Variants in KATNAL1 observed in about 807,000 individuals in gnomAD.
The protein encoded by KATNAL1 is katanin p60 ATPase-containing subunit A-like 1.
In KATNAL1, 32 loss-of-function variants were observed where a neutral mutation model predicts 55.2. That is an observed-to-expected ratio of 0.58 (90% CI 0.44 to 0.78). The LOEUF (loss-of-function observed/expected upper bound fraction) is 0.78. Among genes scored for constraint, KATNAL1 ranks in the 30% least tolerant of loss-of-function variants. The pLI is 0.00. For synonymous variants in KATNAL1, 193 were observed against 193.6 expected (o/e 1.00, Z 0.02); for missense variants, 466 against 600.9 (o/e 0.78, Z 2.35).
intron 2 of KATNAL1, 139 bp downstream of exon 2, chr13:30,283,477 A>G: frequency 3.2e-6 from 2 of 621,772 alleles, no homozygotes; most frequent in Non-Finnish European, 5.2e-6. Flanking sequence ...TCAAGAGTAT[A>G]TTTTAAATGT....
intron 1 of KATNAL1, among the ~76,000 whole-genome samples, chr13:30,295,542 T>C (rs1882425175): frequency 6.6e-6 from 1 of 151,886 alleles, no homozygotes; most frequent in African/African-American, 2.4e-5. Context: ...GGCAAAAGGA[T>C]CACTTAAGAC....
chr13:30,280,102 T>C lies in KATNAL1; in HGVS notation c.284A>G (p.Asp95Gly), dbSNP rs1373790689. The change falls in exon 3 of 11, where the codon GAT becomes GGT. Residue 95 changes from aspartate to glycine, a missense_variant. This residue lies in a region of KATNAL1 where 248 missense variants were observed against 275.5 expected (regional missense o/e 0.90). Transcript: ENST00000380615. ...PVSCQDEPFR[D>G]PAVWPPPVPA... ...AACAGGGGGTGGCCAAACAGCAGGATCTCTAAATGGTTCATCTTGACAGGA... is the reference window on the plus strand; with the variant it reads ...AACAGGGGGTGGCCAAACAGCAGGACCTCTAAATGGTTCATCTTGACAGGA... 6.2e-7 allele frequency: 1 copy of C among 1,612,796 alleles called. No homozygotes were observed. The highest frequency in any genetic ancestry group is 1.1e-5 in the South Asian group (1 of 90,888).
intron 3 of KATNAL1, among the ~76,000 whole-genome samples, chr13:30,268,880 TAC>T (rs1879989217): frequency 6.6e-6 from 1 of 152,158 alleles, no homozygotes; most frequent in Non-Finnish European, 1.5e-5. Context: ...ACTGAATACT[TAC>T]ACTGTGGCAG....
chr13:30,217,952 G>A (rs1002220980), intron 9 of KATNAL1, among the ~76,000 whole-genome samples: 3 of 152,190 alleles, frequency 2.0e-5, no homozygotes, highest in East Asian at 1.9e-4. Flanking sequence ...CTGGGGACAC[G>A]AGACAGGCCA....
chr13:30,264,484 A>T (rs1406819391), intron 3 of KATNAL1, among the ~76,000 whole-genome samples: 1 of 150,088 alleles, frequency 6.7e-6, no homozygotes. Context: ...TCATCTGACA[A>T]AGGGCTAATA....
Position 30,288,114 on chromosome 13 carries a change from A to G in KATNAL1, c.-14-4323T>C, listed in dbSNP as rs940495979. On this transcript the variant is annotated intron_variant, in intron 1 of 10. Coordinates refer to ENST00000380615, the MANE Select transcript of KATNAL1 (RefSeq NM_032116.5). ...TTCCCTATCATCAAAATCAATCACA[A>G]ATGTTCATACATTCTAATGTTTACC... Among the ~76,000 whole-genome samples the G allele has an allele frequency of 1.4e-4, 22 of 152,156 alleles. 2 individuals carry two copies. The highest frequency in any genetic ancestry group is 1.2e-3 in the Admixed American group (19 of 15,282).
At chr13:30,223,191 G>C (rs565289758) in intron 9 of KATNAL1, among the ~76,000 whole-genome samples, 1 of 152,112 alleles carries the variant, frequency 6.6e-6, no homozygotes, top group African/African-American at 2.4e-5. Flanking sequence ...TGTAATCCCA[G>C]CACTTCGGGA....
At chr13:30,227,324 A>T in intron 9 of KATNAL1, 88 bp downstream of exon 9, 1 of 1,300,288 alleles carries the variant, frequency 7.7e-7, no homozygotes, top group Non-Finnish European at 1.1e-6. Context: ...AAACTTCTTT[A>T]AGCAGAATGG....
chr13:30,246,252 C>T (rs976853953), intron 4 of KATNAL1, among the ~76,000 whole-genome samples: 7 of 152,130 alleles, frequency 4.6e-5, no homozygotes, highest in Non-Finnish European at 1.0e-4. Context: ...CATCTACAAC[C>T]ATCTGATCTT....
At chr13:30,234,258 C>A (rs1593860953) in intron 6 of KATNAL1, among the ~76,000 whole-genome samples, 1 of 152,272 alleles carries the variant, frequency 6.6e-6, no homozygotes, top group South Asian at 2.1e-4. Flanking sequence ...CTTCACTTGA[C>A]TCTACAAATC....
At chr13:30,242,962 T>A (rs1877423032) in intron 4 of KATNAL1, among the ~76,000 whole-genome samples, 3 of 152,166 alleles carry the variant, frequency 2.0e-5, no homozygotes. Context: ...ACATCAAATA[T>A]AAACAGCTAG....
chr13:30,255,818 T>A (rs377279744), intron 3 of KATNAL1, among the ~76,000 whole-genome samples: 1 of 152,080 alleles, frequency 6.6e-6, no homozygotes, highest in Non-Finnish European at 1.5e-5. Flanking sequence ...CTGATACAAT[T>A]ATTAAATACA....
chr13:30,234,020 T>C (rs188984177), intron 6 of KATNAL1, among the ~76,000 whole-genome samples: 12 of 152,320 alleles, frequency 7.9e-5, no homozygotes, highest in East Asian at 7.7e-4. Context: ...TAGTTTACAA[T>C]AGTCTCTTGT....
At chr13:30,255,636 AAAATT>A in intron 3 of KATNAL1, 21 bp from the exon 4 acceptor site, 13 of 1,319,544 alleles carry the variant, frequency 9.9e-6, no homozygotes, top group Admixed American at 5.9e-5. Context: ...AAAAAAAAAA[AAAATT>A]AAAATTAAAA....
chr13:30,277,736 C>A (rs1476713273), intron 3 of KATNAL1, among the ~76,000 whole-genome samples: 2 of 152,082 alleles, frequency 1.3e-5, no homozygotes, highest in African/African-American at 2.4e-5. Flanking sequence ...GTAATCCCAG[C>A]ACTTTGGGAG....
chr13:30,264,559 T>G (rs1231751905), intron 3 of KATNAL1, among the ~76,000 whole-genome samples: 2 of 150,932 alleles, frequency 1.3e-5, no homozygotes, highest in African/African-American at 2.5e-5. Flanking sequence ...AAAAGTGGGT[T>G]AAGGACATGA....
intron 3 of KATNAL1, among the ~76,000 whole-genome samples, chr13:30,278,451 A>G (rs1881030342): frequency 6.6e-6 from 1 of 152,264 alleles, no homozygotes; most frequent in Non-Finnish European, 1.5e-5. Flanking sequence ...ATGAACAGTT[A>G]AGAAAGGACA....
chr13:30,300,902 A>G (rs988521510), intron 1 of KATNAL1, among the ~76,000 whole-genome samples: 3 of 152,238 alleles, frequency 2.0e-5, no homozygotes, highest in East Asian at 3.8e-4. Context: ...AACTGTTCAT[A>G]AACATAAAAG....
intron 2 of KATNAL1, 123 bp downstream of exon 2, chr13:30,283,493 A>G (rs1881558181): frequency 5.7e-6 from 4 of 697,226 alleles, no homozygotes; most frequent in South Asian, 3.1e-5. Context: ...AATGTATTTC[A>G]GTATTGAGAT....
Sources: gnomAD v4.1 joint callset for allele counts (sites outside exome capture counted in the v4.1 genomes callset) on GRCh38, gnomAD v4.1.1 for gene constraint, gnomAD v4.1.1 regional missense constraint, MANE v1.5 for transcripts, NCBI Gene and HGNC (gene_info 2026-07-23, HGNC 2026-07-21) for gene names.